ROBO2: variants seen among roughly 807,000 people sequenced by gnomAD.
The protein encoded by ROBO2 is roundabout homolog 2.
A neutral mutation model predicts 160.8 loss-of-function variants in ROBO2; 53 were observed. The observed-to-expected ratio is 0.33, with a 90% confidence interval of 0.26 to 0.41. ROBO2 has a LOEUF of 0.41. ROBO2 is among the 10% of genes least tolerant of loss of function. ROBO2 has a pLI of 1.00. For synonymous variants in ROBO2, 664 were observed against 611.7 expected (o/e 1.09, Z -1.26); for missense variants, 1,577 against 1,722.4 (o/e 0.92, Z 1.49).
intron 2 of ROBO2, among the ~76,000 whole-genome samples, chr3:76,995,400 G>C (rs1372454202): frequency 6.6e-6 from 1 of 152,078 alleles, no homozygotes; most frequent in East Asian, 1.9e-4. Flanking sequence ...GAATAGTGCT[G>C]CAATAAACAT....
chr3:76,412,667 AG>A (rs2075554858), intron 2 of ROBO2, among the ~76,000 whole-genome samples: 1 of 152,224 alleles, frequency 6.6e-6, no homozygotes, highest in East Asian at 1.9e-4. Flanking sequence ...CTGTGACTCT[AG>A]GTCATGCTGA....
At chr3:76,520,063 C>T (rs1467640541) in intron 2 of ROBO2, among the ~76,000 whole-genome samples, 2 of 152,124 alleles carry the variant, frequency 1.3e-5, no homozygotes, top group Non-Finnish European at 2.9e-5. Context: ...GTGATTCCAC[C>T]GAACCTGGGA....
At chr3:76,113,754 T>C (rs1197605874) in intron 2 of ROBO2, among the ~76,000 whole-genome samples, 1 of 152,142 alleles carries the variant, frequency 6.6e-6, no homozygotes, top group Non-Finnish European at 1.5e-5. Context: ...CAAAACCTCA[T>C]GTTGAAATGT....
chr3:76,986,744 T>A (rs1223710238), intron 2 of ROBO2, among the ~76,000 whole-genome samples: 1 of 152,156 alleles, frequency 6.6e-6, no homozygotes, highest in Non-Finnish European at 1.5e-5. Flanking sequence ...TTGTGCTTGG[T>A]TGTGGTATTT....
At chr3:76,684,742 C>A (rs973759426) in intron 2 of ROBO2, among the ~76,000 whole-genome samples, 5 of 151,844 alleles carry the variant, frequency 3.3e-5, no homozygotes, top group Admixed American at 2.7e-4. Context: ...TGTGCCCCCA[C>A]ACTGGCAAAA....
chr3:77,003,152 T>G (rs1267398891), intron 2 of ROBO2, among the ~76,000 whole-genome samples: 1 of 152,228 alleles, frequency 6.6e-6, no homozygotes, highest in Non-Finnish European at 1.5e-5. Flanking sequence ...GTAGCACCTT[T>G]GTAGTTCCTT....
intron 2 of ROBO2, among the ~76,000 whole-genome samples, chr3:76,472,600 G>A (rs2078725571): frequency 6.6e-6 from 1 of 152,078 alleles, no homozygotes; most frequent in Admixed American, 6.6e-5. Flanking sequence ...AGTGATCTGT[G>A]CTGATTTCTT....
At chr3:76,734,955 C>T (rs2093686123) in intron 2 of ROBO2, among the ~76,000 whole-genome samples, 4 of 152,158 alleles carry the variant, frequency 2.6e-5, no homozygotes, top group Admixed American at 2.6e-4. Context: ...ATAAAAATTC[C>T]TCGCTAGAAT....
intron 5 of ROBO2, among the ~76,000 whole-genome samples, chr3:77,517,835 C>T (rs2090180846): frequency 6.6e-6 from 1 of 151,270 alleles, no homozygotes; most frequent in Non-Finnish European, 1.5e-5. Flanking sequence ...ACACTACCTT[C>T]CAGTGAGTCA....
chr3:77,032,668 G>C (rs2063392124), intron 2 of ROBO2, among the ~76,000 whole-genome samples: 1 of 152,110 alleles, frequency 6.6e-6, no homozygotes, highest in Non-Finnish European at 1.5e-5. Flanking sequence ...GACATCTGTT[G>C]CTCAACTCAC....
At chr3:76,485,698 G>A (rs923276240) in intron 2 of ROBO2, among the ~76,000 whole-genome samples, 2 of 152,126 alleles carry the variant, frequency 1.3e-5, no homozygotes, top group African/African-American at 2.4e-5. Flanking sequence ...AAGGGTTGCT[G>A]TTTGTACTGA....
chr3:76,837,211 T>C (rs939472443), intron 2 of ROBO2, among the ~76,000 whole-genome samples: 9 of 151,908 alleles, frequency 5.9e-5, no homozygotes, highest in African/African-American at 2.2e-4. Context: ...AGGTGGACCA[T>C]ATTTTACACT....
chr3:75,923,098 C>G (rs906685850), intron 1 of ROBO2, among the ~76,000 whole-genome samples: 23 of 152,106 alleles, frequency 1.5e-4, no homozygotes, highest in Non-Finnish European at 2.8e-4. Context: ...TTCAAGAATG[C>G]TTTTTTAAGT....
At chr3:77,167,596 A>G (rs1005011900) in intron 2 of ROBO2, among the ~76,000 whole-genome samples, 1 of 152,178 alleles carries the variant, frequency 6.6e-6, no homozygotes, top group African/African-American at 2.4e-5. Flanking sequence ...TCATAAATAT[A>G]TAAGTCTTTT....
intron 2 of ROBO2, among the ~76,000 whole-genome samples, chr3:76,689,812 C>T (rs1162856386): frequency 6.6e-6 from 1 of 152,074 alleles, no homozygotes; most frequent in Non-Finnish European, 1.5e-5. Context: ...CCATCCAGTT[C>T]CCCGTTCTCT....
intron 2 of ROBO2, among the ~76,000 whole-genome samples, chr3:77,450,924 C>A (rs903047162): frequency 6.8e-6 from 1 of 147,026 alleles, no homozygotes; most frequent in East Asian, 1.9e-4. Flanking sequence ...GAAAGAATTG[C>A]ACATTTCATT....
At chr3:77,402,107 G>T (rs1389110451) in intron 2 of ROBO2, among the ~76,000 whole-genome samples, 1 of 152,104 alleles carries the variant, frequency 6.6e-6, no homozygotes, top group Non-Finnish European at 1.5e-5. Flanking sequence ...CCATATAAAA[G>T]GATGAGTTCA....
chr3:77,435,616 A>C (rs903690510), intron 2 of ROBO2, among the ~76,000 whole-genome samples: 3 of 151,868 alleles, frequency 2.0e-5, no homozygotes, highest in Non-Finnish European at 1.5e-5. Flanking sequence ...TCAGTTTAGC[A>C]CTATTGATCC....
intron 2 of ROBO2, among the ~76,000 whole-genome samples, chr3:76,528,920 G>A (rs1443577730): frequency 6.6e-6 from 1 of 152,110 alleles, no homozygotes; most frequent in Non-Finnish European, 1.5e-5. Context: ...TTCAAGGAAA[G>A]GTCCACAGTC....
Sources: allele counts gnomAD v4.1 joint callset (sites outside exome capture counted in the v4.1 genomes callset), GRCh38; gene constraint gnomAD v4.1.1; transcripts MANE v1.5; gene names NCBI Gene and HGNC (gene_info 2026-07-23, HGNC 2026-07-21).